The following CAMK4 variants were observed in gnomAD, a reference collection of about 807,000 sequenced individuals.
CAMK4 encodes calcium/calmodulin-dependent protein kinase type IV.
Under a neutral mutation model 44.9 loss-of-function variants are expected in CAMK4, and 22 were observed. The observed-to-expected ratio is 0.49, with a 90% CI of 0.35 to 0.70. The LOEUF (loss-of-function observed/expected upper bound fraction) is 0.70. Among genes scored for constraint, CAMK4 ranks in the 30% least tolerant of loss-of-function variants. The pLI is 0.01. For synonymous variants in CAMK4, 218 were observed against 215.4 expected, an observed-to-expected ratio of 1.01 and a Z score of -0.11; for missense variants, 498 against 586.8, an observed-to-expected ratio of 0.85 and a Z score of 1.56.
At chr5:111,434,056 GGAGGCC>G (rs1305750287) in intron 5 of CAMK4, among the ~76,000 whole-genome samples, 2 of 152,080 alleles carry the variant, frequency 1.3e-5, no homozygotes, top group African/African-American at 4.8e-5. Context: ...CAGCACTTTG[GGAGGCC>G]GAGCAGGCGG....
chr5:111,418,582 T>C (rs1332612679), intron 5 of CAMK4, among the ~76,000 whole-genome samples: 1 of 149,474 alleles, frequency 6.7e-6, no homozygotes, highest in Non-Finnish European at 1.5e-5. Context: ...CCTAATGCTA[T>C]CCCTCCCACC....
At chr5:111,476,542 G>T (rs887627244) in intron 8 of CAMK4, among the ~76,000 whole-genome samples, 1 of 152,016 alleles carries the variant, frequency 6.6e-6, no homozygotes, top group African/African-American at 2.4e-5. Context: ...CTCCCAAAGT[G>T]CTGGGATTAC....
In CAMK4 at chr5:111,369,751, T is replaced by A. The variant is rs559514416; in HGVS notation, c.241-5099T>A. 4.6e-5 allele frequency among the ~76,000 whole-genome samples: 7 copies of A among 152,308 alleles called. No individual in the cohort carries two copies. In the South Asian group the frequency reaches 1.5e-3, roughly 32 times the overall value. ...TCCCTTATACTATAAAATGGCATAG[T>A]ATTTGCACATCATTTATGAACGTGC... On this transcript the variant is annotated intron_variant, in intron 2 of 10. Coordinates refer to ENST00000282356, the MANE Select transcript of CAMK4 (RefSeq NM_001744.6).
At chr5:111,329,222 G>A (rs1319031820) in intron 1 of CAMK4, among the ~76,000 whole-genome samples, 1 of 151,892 alleles carries the variant, frequency 6.6e-6, no homozygotes, top group Admixed American at 6.6e-5. Context: ...TTGATGGGAT[G>A]TATCTCAAAA....
rs574787791 is a variant in CAMK4 at position 111,368,225 on chromosome 5, C to T, written c.241-6625C>T. ...GGTTTCTTAAAGCCATCTGTTGATG[C>T]TTCTCAAGATGTTAATTATGGTCAC... is the stretch of plus-strand genomic sequence containing the variant. On this transcript the variant is annotated intron_variant, in intron 2 of 10. Transcript: ENST00000282356. Among the ~76,000 whole-genome samples, 4 of 152,224 alleles carry T rather than the reference C, an allele frequency of 2.6e-5. No individual in the cohort carries two copies. In the East Asian group the frequency reaches 7.7e-4, roughly 29 times the overall value.
intron 5 of CAMK4, among the ~76,000 whole-genome samples, chr5:111,433,592 T>TA (rs972885275): frequency 1.8e-4 from 27 of 152,290 alleles, no homozygotes; most frequent in African/African-American, 6.5e-4. Flanking sequence ...GAAGGAAAAT[T>TA]AGACTCCACC....
intron 5 of CAMK4, among the ~76,000 whole-genome samples, chr5:111,403,595 C>G (rs982448205): frequency 6.6e-6 from 1 of 152,118 alleles, no homozygotes; most frequent in African/African-American, 2.4e-5. Context: ...AAATAACAAG[C>G]TGTTCTCTTA....
intron 7 of CAMK4, among the ~76,000 whole-genome samples, chr5:111,464,055 C>G (rs192679557): frequency 1.0e-3 from 153 of 151,250 alleles, no homozygotes; most frequent in African/African-American, 3.6e-3. Flanking sequence ...CAAGGAGACA[C>G]CAGAGAAAGG....
intron 3 of CAMK4, among the ~76,000 whole-genome samples, chr5:111,375,797 A>T (rs1213574802): frequency 6.6e-6 from 1 of 152,108 alleles, no homozygotes; most frequent in Non-Finnish European, 1.5e-5. Context: ...CAGTGCATTG[A>T]CTTTCATCCT....
chr5:111,266,668 C>G (rs1350047507), intron 1 of CAMK4, among the ~76,000 whole-genome samples: 1 of 152,202 alleles, frequency 6.6e-6, no homozygotes, highest in Non-Finnish European at 1.5e-5. Context: ...TTGACTCATA[C>G]TCGTTTTGGA....
chr5:111,479,239 T>A (rs918052889), intron 9 of CAMK4, among the ~76,000 whole-genome samples: 4 of 152,200 alleles, frequency 2.6e-5, no homozygotes, highest in Non-Finnish European at 4.4e-5. Context: ...TATTAAAATA[T>A]CCTAATAGTA....
intron 1 of CAMK4, among the ~76,000 whole-genome samples, chr5:111,337,891 A>G (rs1402543276): frequency 6.6e-6 from 1 of 151,132 alleles, no homozygotes; most frequent in East Asian, 1.9e-4. Context: ...GAGCAATGTT[A>G]TGTGTCCCTA....
In CAMK4 at chr5:111,376,339, T is replaced by G. The variant is rs76596163; in HGVS notation, c.304-521T>G. Among the ~76,000 whole-genome samples the G allele has an allele frequency of 5.3e-3, 803 of 152,166 alleles. 7 individuals are homozygous for G. Among genetic ancestry groups the G allele is most frequent in the African/African-American group, 0.018 (741 of 41,532 alleles). ...TGCTCAATCAAGTCACTGTCACCAC[T>G]GCTTTTCTGAGGATTCCTTCACCCA... On this transcript the variant is annotated intron_variant, in intron 3 of 10. Coordinates refer to ENST00000282356, the MANE Select transcript of CAMK4 (RefSeq NM_001744.6).
chr5:111,298,539 C>T (rs1747583112), intron 1 of CAMK4, among the ~76,000 whole-genome samples: 1 of 152,162 alleles, frequency 6.6e-6, no homozygotes, highest in South Asian at 2.1e-4. Context: ...TTTGAGGCCA[C>T]TGTTCTCCCC....
chr5:111,324,710 C>T (rs560118890), intron 1 of CAMK4, among the ~76,000 whole-genome samples: 2 of 152,014 alleles, frequency 1.3e-5, no homozygotes, highest in East Asian at 1.9e-4. Context: ...TTGACACTTA[C>T]AGAACATCAG....
At chr5:111,459,194 G>A (rs1003072984) in intron 7 of CAMK4, among the ~76,000 whole-genome samples, 2 of 152,290 alleles carry the variant, frequency 1.3e-5, no homozygotes, top group South Asian at 2.1e-4. Flanking sequence ...TCATTAGTAG[G>A]CCAGAGAGAA....
chr5:111,338,427 G>C (rs1749500417), intron 1 of CAMK4, among the ~76,000 whole-genome samples: 1 of 151,158 alleles, frequency 6.6e-6, no homozygotes, highest in African/African-American at 2.4e-5. Flanking sequence ...TAACTCTGTT[G>C]ATACTTTACT....
intron 5 of CAMK4, among the ~76,000 whole-genome samples, chr5:111,407,999 C>T (rs767685364): frequency 1.3e-5 from 2 of 152,072 alleles, no homozygotes; most frequent in Non-Finnish European, 2.9e-5. Context: ...GTCCCAGCTA[C>T]TCAGGAGGCT....
intron 1 of CAMK4, among the ~76,000 whole-genome samples, chr5:111,317,011 C>T (rs966646553): frequency 1.3e-5 from 2 of 152,066 alleles, no homozygotes; most frequent in Non-Finnish European, 2.9e-5. Flanking sequence ...GTTCAAGCTT[C>T]TCTCCTTTGT....
Sources: gnomAD v4.1 joint callset for allele counts (sites outside exome capture counted in the v4.1 genomes callset) on GRCh38, gnomAD v4.1.1 for gene constraint, MANE v1.5 for transcripts, NCBI Gene and HGNC (gene_info 2026-07-23, HGNC 2026-07-21) for gene names.